Variants in PTPRD observed in about 807,000 individuals in gnomAD.
PTPRD encodes the protein protein tyrosine phosphatase receptor type D.
PTPRD carries 34 observed loss-of-function variants against 214.5 expected under a neutral mutation model. The observed-to-expected ratio is 0.16, with a 90% CI of 0.12 to 0.21. PTPRD has a LOEUF of 0.21. Ranked by LOEUF, PTPRD falls within the 10% of genes least tolerant of loss-of-function variation. The pLI, the probability that PTPRD is intolerant of heterozygous loss-of-function variation, is 1.00. For missense variants in PTPRD, 2,545 were observed against 2,398.7 expected (o/e 1.06, Z -1.27); for synonymous variants, 1,128 against 845.7 (o/e 1.33, Z -5.79).
At chr9:9,072,661 C>T (rs1591064583) in intron 10 of PTPRD, among the ~76,000 whole-genome samples, 2 of 152,156 alleles carry the variant, frequency 1.3e-5, no homozygotes, top group Non-Finnish European at 2.9e-5. Flanking sequence ...ACTGAGTCTT[C>T]ATTAGAGTCC....
chr9:9,229,819 T>C (rs1276230532), intron 9 of PTPRD, among the ~76,000 whole-genome samples: 1 of 151,972 alleles, frequency 6.6e-6, no homozygotes, highest in Non-Finnish European at 1.5e-5. Context: ...AGAAAACAAA[T>C]TTATCATTGT....
chr9:9,056,250 C>T (rs577819233), intron 10 of PTPRD, among the ~76,000 whole-genome samples: 126 of 152,274 alleles, frequency 8.3e-4, no homozygotes, highest in African/African-American at 3.0e-3. Context: ...AAAAGATGAA[C>T]ATCTATTAAT....
At chr9:9,847,671 A>C (rs2059793882) in intron 5 of PTPRD, among the ~76,000 whole-genome samples, 1 of 152,120 alleles carries the variant, frequency 6.6e-6, no homozygotes, top group African/African-American at 2.4e-5. Flanking sequence ...GTAGCTTTCC[A>C]GGCAGGGCCA....
At chr9:9,264,124 T>C in intron 9 of PTPRD, among the ~76,000 whole-genome samples, 1 of 151,742 alleles carries the variant, frequency 6.6e-6, no homozygotes, top group East Asian at 2.0e-4. Flanking sequence ...AAGGATTTAA[T>C]GCAAAAACTT....
chr9:9,628,357 ACAAT>A (rs966013344), intron 7 of PTPRD, among the ~76,000 whole-genome samples: 2 of 152,156 alleles, frequency 1.3e-5, no homozygotes, highest in African/African-American at 4.8e-5. Context: ...ATCCAAAAAC[ACAAT>A]CAATTGCCAG....
At chr9:9,238,660 G>C (rs1242186858) in intron 9 of PTPRD, among the ~76,000 whole-genome samples, 3 of 151,964 alleles carry the variant, frequency 2.0e-5, no homozygotes, top group African/African-American at 7.3e-5. Context: ...GCATAGAATG[G>C]GCTAGTTGAC....
intron 9 of PTPRD, among the ~76,000 whole-genome samples, chr9:9,370,087 G>A (rs201672667): frequency 0.025 from 3,729 of 152,014 alleles, 138 homozygotes; most frequent in African/African-American, 0.084. Flanking sequence ...TTGACTTGGC[G>A]ATGCGGGCTC....
chr9:9,337,467 C>CA (rs1328522417), intron 9 of PTPRD, among the ~76,000 whole-genome samples: 3 of 152,142 alleles, frequency 2.0e-5, no homozygotes, highest in African/African-American at 7.2e-5. Flanking sequence ...CTCCCAGTTA[C>CA]AATTTTCTTC....
At chr9:9,761,690 C>A (rs2098658430) in intron 6 of PTPRD, among the ~76,000 whole-genome samples, 1 of 151,952 alleles carries the variant, frequency 6.6e-6, no homozygotes, top group African/African-American at 2.4e-5. Flanking sequence ...TGTTTTATAG[C>A]TGCATATGAA....
chr9:8,567,229 T>C (rs944281660), intron 14 of PTPRD, among the ~76,000 whole-genome samples: 3 of 152,202 alleles, frequency 2.0e-5, no homozygotes, highest in African/African-American at 7.2e-5. Context: ...TTTTCCAGGC[T>C]TCAAGGCTGC....
intron 39 of PTPRD, among the ~76,000 whole-genome samples, chr9:8,363,025 C>T (rs905365197): frequency 1.3e-5 from 2 of 152,162 alleles, no homozygotes; most frequent in African/African-American, 4.8e-5. Flanking sequence ...ATGCAATTGC[C>T]TACTGCTTTA....
At chr9:8,739,861 T>C (rs189649408) in intron 11 of PTPRD, among the ~76,000 whole-genome samples, 54 of 152,220 alleles carry the variant, frequency 3.5e-4, no homozygotes, top group African/African-American at 1.2e-3. Context: ...GATCTGATGA[T>C]TACGTAAGGG....
intron 2 of PTPRD, among the ~76,000 whole-genome samples, chr9:10,522,500 C>T (rs1225848177): frequency 6.6e-6 from 1 of 152,056 alleles, no homozygotes; most frequent in Non-Finnish European, 1.5e-5. Context: ...AATAAACAAA[C>T]CTGATTACTT....
chr9:10,340,421 C>T (rs1203900022), intron 3 of PTPRD, among the ~76,000 whole-genome samples: 1 of 151,828 alleles, frequency 6.6e-6, no homozygotes, highest in Non-Finnish European at 1.5e-5. Context: ...CTGGCTATAT[C>T]ACACCAGTGT....
chr9:10,172,661 G>T (rs1044067950), intron 3 of PTPRD, among the ~76,000 whole-genome samples: 15 of 152,152 alleles, frequency 9.9e-5, no homozygotes, highest in African/African-American at 3.4e-4. Flanking sequence ...AGGAGAACAG[G>T]AGCACAAAGT....
chr9:9,129,670 T>C (rs1467125881), intron 10 of PTPRD, among the ~76,000 whole-genome samples: 1 of 152,188 alleles, frequency 6.6e-6, no homozygotes, highest in Non-Finnish European at 1.5e-5. Context: ...ATCTAACAAA[T>C]ACCTTGTCTC....
rs922981582 is a variant in PTPRD, at chr9:10,150,375, G to A, written c.-544-116585C>T. ...TGTCCTTTGTAGGGACATGGATGAA[G>A]CTGGAAACCATCATTCTGAGCAAAC... On this transcript the variant is annotated intron_variant, in intron 3 of 45. Transcript: ENST00000381196. 7.2e-5 allele frequency among the ~76,000 whole-genome samples: 11 copies of A among 152,218 alleles called. 1 individual carries two copies. The highest frequency in any genetic ancestry group is 2.4e-4 in the African/African-American group (10 of 41,542).
At chr9:8,414,639 G>A (rs1470267615) in intron 35 of PTPRD, among the ~76,000 whole-genome samples, 1 of 151,802 alleles carries the variant, frequency 6.6e-6, no homozygotes, top group East Asian at 1.9e-4. Context: ...GAGTTAGGTA[G>A]TCCCTACATC....
At chr9:9,009,124 C>T (rs1198542243) in intron 11 of PTPRD, among the ~76,000 whole-genome samples, 1 of 139,846 alleles carries the variant, frequency 7.2e-6, no homozygotes, top group African/African-American at 2.5e-5. Flanking sequence ...ATCATTCTCT[C>T]ATTCACCTAA....
Sources: gnomAD v4.1 joint callset for allele counts (sites outside exome capture counted in the v4.1 genomes callset) on GRCh38, gnomAD v4.1.1 for gene constraint, MANE v1.5 for transcripts, NCBI Gene and HGNC (gene_info 2026-07-23, HGNC 2026-07-21) for gene names.